The following MTHFD1L variants were observed in gnomAD, a reference collection of about 807,000 sequenced individuals.
MTHFD1L encodes methylenetetrahydrofolate dehydrogenase (NADP+ dependent) 1 like.
MTHFD1L carries 81 observed loss-of-function variants against 119.5 expected under a neutral mutation model. The ratio of observed to expected loss-of-function variants is 0.68; its 90% confidence interval spans 0.57 to 0.82. MTHFD1L has a LOEUF of 0.82. Ranked by LOEUF, MTHFD1L falls within the 40% of genes least tolerant of loss-of-function variation. The pLI is 0.00. For synonymous variants in MTHFD1L, 430 were observed against 475.2 expected (o/e 0.90, Z 1.24); for missense variants, 1,125 against 1,253.4 (o/e 0.90, Z 1.55).
chr6:151,096,013 A>C (rs1053011296), intron 27 of MTHFD1L, among the ~76,000 whole-genome samples: 3 of 152,180 alleles, frequency 2.0e-5, no homozygotes, highest in African/African-American at 7.2e-5. Flanking sequence ...CCAAGACTCA[A>C]CTCAGATCTG....
At chr6:151,080,122 G>A (rs1793001564) in intron 26 of MTHFD1L, among the ~76,000 whole-genome samples, 2 of 152,060 alleles carry the variant, frequency 1.3e-5, no homozygotes, top group South Asian at 4.1e-4. Context: ...AGATTTCAGT[G>A]AGCCGAGATT....
intron 8 of MTHFD1L, 70 bp downstream of exon 8, chr6:150,905,831 C>T: frequency 8.3e-7 from 1 of 1,208,766 alleles, no homozygotes; most frequent in Non-Finnish European, 1.2e-6. Context: ...TAACCTTTTC[C>T]TAAGAGGTTA....
At chr6:150,977,386 T>A (rs1274658867) in intron 20 of MTHFD1L, among the ~76,000 whole-genome samples, 1 of 152,220 alleles carries the variant, frequency 6.6e-6, no homozygotes, top group Non-Finnish European at 1.5e-5. Context: ...TAAAAAAGCA[T>A]GAATTTGCAA....
intron 20 of MTHFD1L, among the ~76,000 whole-genome samples, chr6:150,991,275 T>A (rs1000760955): frequency 1.4e-4 from 21 of 150,942 alleles, no homozygotes; most frequent in African/African-American, 4.9e-4. Context: ...AAAAAAAAAA[T>A]TATTGTTGGT....
At chr6:150,905,583 A>C in intron 7 of MTHFD1L, 67 bp from the exon 8 acceptor site, 2 of 1,127,666 alleles carry the variant, frequency 1.8e-6, no homozygotes, top group Non-Finnish European at 2.7e-6. Flanking sequence ...CTCATTTGAC[A>C]TCAGTAGTTA....
At chr6:150,929,589 C>T (rs1265604900) in intron 11 of MTHFD1L, among the ~76,000 whole-genome samples, 1 of 152,216 alleles carries the variant, frequency 6.6e-6, no homozygotes, top group Non-Finnish European at 1.5e-5. Flanking sequence ...GGCCTCCAGC[C>T]TCATGCTGGA....
chr6:150,906,971 A>T (rs772930476), intron 8 of MTHFD1L, among the ~76,000 whole-genome samples: 13 of 152,134 alleles, frequency 8.5e-5, no homozygotes, highest in Non-Finnish European at 1.3e-4. Context: ...ATAACATTTT[A>T]AAAATATGTG....
chr6:151,091,027 C>T (rs1397411299), intron 26 of MTHFD1L, among the ~76,000 whole-genome samples: 1 of 119,178 alleles, frequency 8.4e-6, no homozygotes, highest in South Asian at 2.8e-4. Flanking sequence ...TCGTTCCATG[C>T]GACTGGGTGC....
At chr6:151,034,439 A>G in intron 24 of MTHFD1L, 54 bp from the exon 25 acceptor site, 1 of 1,281,006 alleles carries the variant, frequency 7.8e-7, no homozygotes. Flanking sequence ...GTTTTTAAAA[A>G]ATCTTTAACC....
chr6:151,040,521 C>T (rs1562581047), intron 26 of MTHFD1L, among the ~76,000 whole-genome samples: 2 of 151,744 alleles, frequency 1.3e-5, no homozygotes, highest in Non-Finnish European at 2.9e-5. Context: ...GACGCCTGGG[C>T]AACATAGCCA....
chr6:151,041,031 C>T (rs751456627), intron 26 of MTHFD1L, among the ~76,000 whole-genome samples: 4 of 152,118 alleles, frequency 2.6e-5, no homozygotes, highest in East Asian at 1.9e-4. Context: ...AGCCCTCAGC[C>T]GAGTTCCTCC....
chr6:150,996,191 G>A (rs770025777), intron 20 of MTHFD1L, among the ~76,000 whole-genome samples: 2 of 152,096 alleles, frequency 1.3e-5, no homozygotes, highest in African/African-American at 2.4e-5. Flanking sequence ...TGGGCACACC[G>A]GAAGGACCCA....
intron 26 of MTHFD1L, among the ~76,000 whole-genome samples, chr6:151,083,891 C>T (rs1248059842): frequency 2.6e-5 from 4 of 152,076 alleles, no homozygotes; most frequent in African/African-American, 9.7e-5. Context: ...TCTCATTTTT[C>T]TAATCAGCAA....
intron 11 of MTHFD1L, among the ~76,000 whole-genome samples, chr6:150,927,587 G>C (rs1301447212): frequency 6.6e-6 from 1 of 151,734 alleles, no homozygotes; most frequent in Non-Finnish European, 1.5e-5. Flanking sequence ...CTCCCGAGTA[G>C]CTGGGATTAC....
At chr6:150,993,063 A>C (rs1021102646) in intron 20 of MTHFD1L, among the ~76,000 whole-genome samples, 1 of 152,188 alleles carries the variant, frequency 6.6e-6, no homozygotes, top group Non-Finnish European at 1.5e-5. Context: ...CAGCAATCTG[A>C]GTACCTTCTT....
intron 20 of MTHFD1L, among the ~76,000 whole-genome samples, chr6:150,989,048 A>G (rs1215500341): frequency 1.3e-5 from 2 of 152,316 alleles, no homozygotes; most frequent in East Asian, 1.9e-4. Flanking sequence ...CCTATTAGGG[A>G]TCTCTAAAAG....
chr6:150,934,991 G>C, intron 11 of MTHFD1L: 4 of 1,570,760 alleles, frequency 2.5e-6, no homozygotes, highest in Non-Finnish European at 2.6e-6. Flanking sequence ...TATCAGACCA[G>C]ACTTCTATCC....
chr6:150,922,190 C>T lies in MTHFD1L; in HGVS notation c.985-15C>T. ...TTACCATTCTAACATGTTTTCCCCT[C>T]TATCCCTGCTGAAGAACATGGTCAG... On this transcript the variant is annotated splice_polypyrimidine_tract_variant and intron_variant, in intron 9 of 27. Transcript: ENST00000367321. 1.2e-6 allele frequency: 2 copies of T among 1,602,686 alleles called. No homozygotes were observed. Among genetic ancestry groups the T allele is most frequent in the Admixed American group, 1.7e-5 (1 of 59,984 alleles).
intron 24 of MTHFD1L, among the ~76,000 whole-genome samples, chr6:151,027,388 G>C (rs1784744115): frequency 6.6e-6 from 1 of 152,138 alleles, no homozygotes; most frequent in Non-Finnish European, 1.5e-5. Flanking sequence ...CTTGCCATAG[G>C]TGGTTATTTG....
Sources: gnomAD v4.1 joint callset for allele counts (sites outside exome capture counted in the v4.1 genomes callset) on GRCh38, gnomAD v4.1.1 for gene constraint, MANE v1.5 for transcripts, NCBI Gene and HGNC (gene_info 2026-07-23, HGNC 2026-07-21) for gene names.